Variants in FHIT observed in about 807,000 individuals in gnomAD.
FHIT encodes the protein bis(5'-adenosyl)-triphosphatase.
In FHIT, 19 loss-of-function variants were observed where a neutral mutation model predicts 17.9. The ratio of observed to expected loss-of-function variants is 1.06; its 90% CI spans 0.74 to 1.56. The LOEUF is 1.56. FHIT is among the 40% of genes most tolerant of loss of function. The probability of loss-of-function intolerance (pLI) is 0.00; values close to 1 mark genes in which losing one functional copy is unlikely to be tolerated. For missense variants in FHIT, 248 were observed against 189.2 expected, an observed-to-expected ratio of 1.31 and a Z score of -1.82; for synonymous variants, 81 against 69.7, an observed-to-expected ratio of 1.16 and a Z score of -0.81.
intron 5 of FHIT, among the ~76,000 whole-genome samples, chr3:60,290,679 G>T (rs1707941638): frequency 6.6e-6 from 1 of 152,130 alleles, no homozygotes; most frequent in Non-Finnish European, 1.5e-5. Flanking sequence ...CAAAGCCTGT[G>T]CTTCATTCAC....
chr3:61,171,806 C>T (rs2038011808), intron 2 of FHIT, among the ~76,000 whole-genome samples: 1 of 152,194 alleles, frequency 6.6e-6, no homozygotes, highest in Non-Finnish European at 1.5e-5. Context: ...CCTCAGGCCC[C>T]ACCTGCTGAA....
chr3:59,940,313 T>G (rs780356440), intron 7 of FHIT, among the ~76,000 whole-genome samples: 9 of 152,178 alleles, frequency 5.9e-5, no homozygotes, highest in Admixed American at 1.3e-4. Context: ...CCACAACATC[T>G]TTCAGTTAAA....
intron 5 of FHIT, among the ~76,000 whole-genome samples, chr3:60,221,574 C>G (rs1263493267): frequency 6.6e-6 from 1 of 152,186 alleles, no homozygotes; most frequent in African/African-American, 2.4e-5. Context: ...TCATTTCCCA[C>G]AAGGCTCCTT....
chr3:60,999,220 C>G (rs2030891455), intron 3 of FHIT, among the ~76,000 whole-genome samples: 1 of 152,082 alleles, frequency 6.6e-6, no homozygotes, highest in Non-Finnish European at 1.5e-5. Context: ...ATACAATACA[C>G]TTAGCATGCA....
intron 4 of FHIT, among the ~76,000 whole-genome samples, chr3:60,755,852 C>G (rs2042560669): frequency 6.6e-6 from 1 of 152,138 alleles, no homozygotes; most frequent in Non-Finnish European, 1.5e-5. Flanking sequence ...ATCAAGAGTG[C>G]TAAGTACACA....
chr3:59,790,506 T>TTCTC (rs574974245), intron 8 of FHIT, among the ~76,000 whole-genome samples: 56 of 150,550 alleles, frequency 3.7e-4, no homozygotes, highest in East Asian at 5.8e-4. Context: ...CTCTCTCTCT[T>TTCTC]TCTCTCTCTC....
chr3:60,957,889 C>T (rs1290805572), intron 3 of FHIT, among the ~76,000 whole-genome samples: 1 of 152,050 alleles, frequency 6.6e-6, no homozygotes, highest in African/African-American at 2.4e-5. Flanking sequence ...CTGTCTAATC[C>T]TCCTTCTCTG....
intron 4 of FHIT, among the ~76,000 whole-genome samples, chr3:60,543,664 T>A (rs1293666052): frequency 1.3e-5 from 2 of 152,158 alleles, no homozygotes; most frequent in Non-Finnish European, 2.9e-5. Flanking sequence ...AAGCTATTGA[T>A]TTTTCTACGT....
intron 4 of FHIT, among the ~76,000 whole-genome samples, chr3:60,806,217 T>C (rs1201322470): frequency 6.6e-6 from 1 of 152,204 alleles, no homozygotes; most frequent in Non-Finnish European, 1.5e-5. Context: ...GTTGCTTCTC[T>C]CTTAGAGGCA....
At chr3:60,689,444 TA>T (rs1553699135) in intron 4 of FHIT, among the ~76,000 whole-genome samples, 1 of 152,206 alleles carries the variant, frequency 6.6e-6, no homozygotes, top group Admixed American at 6.5e-5. Context: ...AGTCTAGAGA[TA>T]ATTTAAAGTA....
At chr3:60,544,398 C>G (rs1442385485) in intron 4 of FHIT, among the ~76,000 whole-genome samples, 4 of 151,924 alleles carry the variant, frequency 2.6e-5, no homozygotes, top group Admixed American at 1.3e-4. Context: ...TCCTATATCA[C>G]TGATGACACA....
intron 5 of FHIT, among the ~76,000 whole-genome samples, chr3:60,318,531 A>G (rs186466418): frequency 1.2e-4 from 19 of 152,338 alleles, no homozygotes; most frequent in Admixed American, 2.6e-4. Context: ...AATTCTACCC[A>G]AATCCCTCTT....
Position 60,510,182 on chromosome 3 carries a change from T to C in FHIT, c.103+26678A>G, listed in dbSNP as rs144510070. ...CCAATGGTAGCAAAAGGAAACCCAA[T>C]GCCTGAGCTGGCCATCTTGGCGAGT... On this transcript the variant is annotated intron_variant, in intron 5 of 9. Coordinates refer to ENST00000492590, the MANE Select transcript of FHIT (RefSeq NM_002012.4). Among the ~76,000 whole-genome samples, 366 of 152,308 alleles carry C rather than the reference T, an allele frequency of 2.4e-3. 2 individuals are homozygous for C. Among genetic ancestry groups the C allele is most frequent in the African/African-American group, 8.6e-3 (356 of 41,566 alleles).
chr3:61,190,011 G>A (rs1247842075), intron 2 of FHIT, among the ~76,000 whole-genome samples: 1 of 152,034 alleles, frequency 6.6e-6, no homozygotes, highest in South Asian at 2.1e-4. Flanking sequence ...TACCATTCAG[G>A]ACATAGGCAT....
chr3:61,156,064 G>A (rs943742664), intron 2 of FHIT, among the ~76,000 whole-genome samples: 11 of 152,146 alleles, frequency 7.2e-5, no homozygotes, highest in Non-Finnish European at 1.0e-4. Flanking sequence ...TTTCACATGT[G>A]TTGTCACAAC....
At chr3:60,411,204 C>A (rs1381578974) in intron 5 of FHIT, among the ~76,000 whole-genome samples, 1 of 152,116 alleles carries the variant, frequency 6.6e-6, no homozygotes, top group African/African-American at 2.4e-5. Flanking sequence ...TTAGAAAAAT[C>A]TTGAACTAGT....
chr3:59,903,975 C>G (rs566660411), intron 8 of FHIT, among the ~76,000 whole-genome samples: 201 of 152,178 alleles, frequency 1.3e-3, no homozygotes, highest in African/African-American at 4.6e-3. Flanking sequence ...TGGCTGAAAT[C>G]AGAACCCAGG....
At chr3:60,828,761 C>A (rs1702213349) in intron 3 of FHIT, among the ~76,000 whole-genome samples, 1 of 152,048 alleles carries the variant, frequency 6.6e-6, no homozygotes, top group South Asian at 2.1e-4. Context: ...GCCTGTAATC[C>A]CAGCCACTTG....
At chr3:60,316,933 C>A in intron 5 of FHIT, among the ~76,000 whole-genome samples, 1 of 152,092 alleles carries the variant, frequency 6.6e-6, no homozygotes, top group South Asian at 2.1e-4. Context: ...TAGTCCTTTC[C>A]TAATCGATTG....
Sources: allele counts gnomAD v4.1 joint callset (sites outside exome capture counted in the v4.1 genomes callset), GRCh38; gene constraint gnomAD v4.1.1; transcripts MANE v1.5; gene names NCBI Gene and HGNC (gene_info 2026-07-23, HGNC 2026-07-21).